ABCC4: variants seen among roughly 807,000 people sequenced by gnomAD.
ABCC4 encodes the protein ATP binding cassette subfamily C member 4 (PEL blood group), also known as ATP-binding cassette sub-family C member 4.
ABCC4 carries 102 observed loss-of-function variants against 168.5 expected under a neutral mutation model. The observed-to-expected ratio is 0.61, with a 90% CI of 0.52 to 0.71. The LOEUF (loss-of-function observed/expected upper bound fraction) is 0.71, where lower values mean the gene tolerates loss of function less well. ABCC4 is among the 30% of genes least tolerant of loss of function. The pLI is 0.00. For synonymous variants in ABCC4, 617 were observed against 590.7 expected, an observed-to-expected ratio of 1.04 and a Z score of -0.65; for missense variants, 1,402 against 1,605.8, an observed-to-expected ratio of 0.87 and a Z score of 2.17.
chr13:95,151,566 G>A (rs113021373), intron 19 of ABCC4, among the ~76,000 whole-genome samples: 1 of 145,656 alleles, frequency 6.9e-6, no homozygotes, highest in Admixed American at 6.9e-5. Flanking sequence ...GGAGGAGAAG[G>A]AGAAGAAGGA....
At chr13:95,022,207 C>T (rs1205688721) in intron 30 of ABCC4, among the ~76,000 whole-genome samples, 4 of 152,102 alleles carry the variant, frequency 2.6e-5, no homozygotes, top group African/African-American at 9.7e-5. Context: ...GTTATAGGGC[C>T]TATAGAAATG....
intron 9 of ABCC4, among the ~76,000 whole-genome samples, chr13:95,189,600 T>C (rs1354036197): frequency 6.6e-6 from 1 of 152,194 alleles, no homozygotes; most frequent in African/African-American, 2.4e-5. Flanking sequence ...CCATTTTCAC[T>C]TGATAAAGCA....
chr13:95,182,751 C>T (rs1475863408), intron 11 of ABCC4, among the ~76,000 whole-genome samples: 2 of 152,196 alleles, frequency 1.3e-5, no homozygotes, highest in Non-Finnish European at 2.9e-5. Flanking sequence ...CACACACCTA[C>T]TGAAGAGGAA....
intron 21 of ABCC4, among the ~76,000 whole-genome samples, chr13:95,080,951 C>T (rs1257960340): frequency 3.3e-5 from 5 of 152,086 alleles, no homozygotes; most frequent in East Asian, 3.9e-4. Context: ...TCAAAAACCA[C>T]GATCCACTGC....
At chr13:95,217,846 G>A (rs2039166390) in intron 4 of ABCC4, among the ~76,000 whole-genome samples, 1 of 152,190 alleles carries the variant, frequency 6.6e-6, no homozygotes, top group Non-Finnish European at 1.5e-5. Context: ...GGGGTGGACA[G>A]GGATGCTCCT....
At chr13:95,034,785 G>A (rs1338206772) in intron 29 of ABCC4, 46 bp from the exon 30 acceptor site, 1 of 1,612,224 alleles carries the variant, frequency 6.2e-7, no homozygotes, top group Admixed American at 1.7e-5. Context: ...ATGTTTTGCA[G>A]TAACATATTA....
In ABCC4 at chr13:95,197,714, C is replaced by A. The variant is rs575613543; in HGVS notation, c.1162-2777G>T. The stretch of plus-strand genomic sequence containing the variant: ...AGTGGACGGTTGGCAAAAACTGAAG[C>A]AGCTTTGTGAACAATAAAACCTCAG... On this transcript the variant is annotated intron_variant, in intron 8 of 30. Coordinates refer to ENST00000645237, the MANE Select transcript of ABCC4 (RefSeq NM_005845.5). Among the ~76,000 whole-genome samples the A allele has an allele frequency of 2.4e-4, 37 of 152,292 alleles. No individual in the cohort carries two copies. In the South Asian group the frequency reaches 7.7e-3, roughly 32 times the overall value.
chr13:95,147,466 T>C (rs370429005), intron 19 of ABCC4, among the ~76,000 whole-genome samples: 3 of 152,284 alleles, frequency 2.0e-5, no homozygotes, highest in African/African-American at 7.2e-5. Context: ...CTGATAGAAA[T>C]GTAGAAAGAT....
At chr13:95,058,935 T>C (rs1444892241) in intron 26 of ABCC4, among the ~76,000 whole-genome samples, 1 of 152,222 alleles carries the variant, frequency 6.6e-6, no homozygotes, top group Non-Finnish European at 1.5e-5. Context: ...CAATGGATCA[T>C]GAAATCACTT....
intron 21 of ABCC4, among the ~76,000 whole-genome samples, chr13:95,077,997 A>C (rs1378473669): frequency 6.6e-6 from 1 of 152,184 alleles, no homozygotes; most frequent in Non-Finnish European, 1.5e-5. Flanking sequence ...GGAAAGGCAG[A>C]TGGAGCTGCA....
At chr13:95,195,015 A>G in intron 8 of ABCC4, 78 bp from the exon 9 acceptor site, 1 of 1,224,290 alleles carries the variant, frequency 8.2e-7, no homozygotes, top group Non-Finnish European at 1.2e-6. Flanking sequence ...CTTCCATGGA[A>G]TTTGTAACAT....
In ABCC4 at chr13:95,178,111, A is replaced by G. The variant is rs1265102351; in HGVS notation, c.1546-20T>C. 10 of 1,604,132 alleles carry G rather than the reference A, an allele frequency of 6.2e-6. No individual in the cohort carries two copies. Among genetic ancestry groups the G allele is most frequent in the Non-Finnish European group, 8.5e-6 (10 of 1,171,006 alleles). On this transcript the variant is annotated intron_variant, in intron 11 of 30. Coordinates refer to ENST00000645237, the MANE Select transcript of ABCC4 (RefSeq NM_005845.5). ...TAAATCCTGTATGGACAAAGGAAAG[A>G]AGGGGGGAAAAAGAGACTTAAAACA... is the stretch of plus-strand genomic sequence containing the variant.
At chr13:95,148,863 T>C (rs1410024538) in intron 19 of ABCC4, 4 of 152,194 alleles carry the variant, frequency 2.6e-5, no homozygotes, top group African/African-American at 4.8e-5. Context: ...TTAGCTACTT[T>C]GGTACAGCAA....
At chr13:95,089,558 G>A (rs997484177) in intron 20 of ABCC4, among the ~76,000 whole-genome samples, 20 of 152,074 alleles carry the variant, frequency 1.3e-4, no homozygotes, top group South Asian at 4.1e-4. Flanking sequence ...CTGAGATCAC[G>A]CCACTGCACT....
intron 27 of ABCC4, among the ~76,000 whole-genome samples, chr13:95,045,657 CTGA>C (rs1220825349): frequency 1.3e-5 from 2 of 152,142 alleles, no homozygotes; most frequent in Admixed American, 1.3e-4. Context: ...GTTCAGTTCA[CTGA>C]TGTTTGTTTT....
At chr13:95,212,909 C>T (rs189933814) in intron 4 of ABCC4, among the ~76,000 whole-genome samples, 128 of 152,198 alleles carry the variant, frequency 8.4e-4, no homozygotes, top group Non-Finnish European at 1.6e-3. Flanking sequence ...AGGCAGATCA[C>T]CTGAGGTCGG....
intron 19 of ABCC4, among the ~76,000 whole-genome samples, chr13:95,131,359 G>T (rs2035955257): frequency 6.6e-6 from 1 of 152,186 alleles, no homozygotes; most frequent in Non-Finnish European, 1.5e-5. Flanking sequence ...CAGGCGCAGT[G>T]GCTCACGCCT....
At chr13:95,241,542 T>C (rs543689691) in intron 3 of ABCC4, among the ~76,000 whole-genome samples, 18 of 151,992 alleles carry the variant, frequency 1.2e-4, no homozygotes, top group Non-Finnish European at 1.9e-4. Flanking sequence ...CCCTGCAGGC[T>C]CTAAGTGGGT....
chr13:95,027,487 G>C (rs937601147), intron 30 of ABCC4, among the ~76,000 whole-genome samples: 3 of 152,144 alleles, frequency 2.0e-5, no homozygotes, highest in African/African-American at 7.2e-5. Context: ...AGCACCACTA[G>C]TGGGTTGTAG....
Sources: allele counts gnomAD v4.1 joint callset (sites outside exome capture counted in the v4.1 genomes callset), GRCh38; gene constraint gnomAD v4.1.1; transcripts MANE v1.5; gene names NCBI Gene and HGNC (gene_info 2026-07-23, HGNC 2026-07-21).